Variants in ARHGEF11 observed in about 807,000 individuals in gnomAD.
The protein encoded by ARHGEF11 is Rho guanine exchange factor (GEF) 11.
Under a neutral mutation model 193.7 loss-of-function variants are expected in ARHGEF11, and 55 were observed. The ratio of observed to expected loss-of-function variants is 0.28; its 90% CI spans 0.23 to 0.36. The LOEUF (loss-of-function observed/expected upper bound fraction) is 0.36. ARHGEF11 is among the 10% of genes least tolerant of loss of function. ARHGEF11 has a pLI of 1.00. For missense variants in ARHGEF11, 1,723 were observed against 2,005.6 expected, an observed-to-expected ratio of 0.86 and a Z score of 2.69; for synonymous variants, 693 against 768.0, an observed-to-expected ratio of 0.90 and a Z score of 1.62.
intron 11 of ARHGEF11, among the ~76,000 whole-genome samples, chr1:156,966,498 C>A (rs186904319): frequency 1.6e-4 from 24 of 152,270 alleles, no homozygotes; most frequent in African/African-American, 5.5e-4. Flanking sequence ...ACTATGACTC[C>A]CCAAAAGATG....
intron 1 of ARHGEF11, among the ~76,000 whole-genome samples, chr1:156,998,013 G>A (rs1666762453): frequency 6.6e-6 from 1 of 151,944 alleles, no homozygotes; most frequent in African/African-American, 2.4e-5. Context: ...AACAGTCAGA[G>A]AAAACTAGAA....
chr1:156,936,493 A>ATATAT (rs1481502478), intron 40 of ARHGEF11, among the ~76,000 whole-genome samples: 150 of 62,336 alleles, frequency 2.4e-3, no homozygotes, highest in East Asian at 5.5e-3. Flanking sequence ...AAAAAAAAAA[A>ATATAT]AAAAATATAT....
intron 1 of ARHGEF11, among the ~76,000 whole-genome samples, chr1:156,998,301 T>C (rs1223734145): frequency 2.0e-5 from 3 of 152,136 alleles, no homozygotes; most frequent in African/African-American, 2.4e-5. Flanking sequence ...TCTATCAGCA[T>C]AGGTATTGGC....
intron 19 of ARHGEF11, 62 bp from the exon 20 acceptor site, chr1:156,955,861 T>A: frequency 7.8e-7 from 1 of 1,284,260 alleles, no homozygotes; most frequent in South Asian, 1.2e-5. Context: ...TGGCTGCTAA[T>A]CAATTCTGCC....
intron 1 of ARHGEF11, among the ~76,000 whole-genome samples, chr1:157,013,072 A>G (rs1222988544): frequency 3.3e-5 from 5 of 152,064 alleles, no homozygotes; most frequent in Non-Finnish European, 5.9e-5. Context: ...ACAGGCTAAT[A>G]TTCAGGTGGA....
At chr1:156,941,781 C>CG (rs1657016721) in intron 34 of ARHGEF11, 83 bp downstream of exon 34, 2 of 1,515,108 alleles carry the variant, frequency 1.3e-6, no homozygotes, top group African/African-American at 2.8e-5. Context: ...TGTCTACCCA[C>CG]GGGGGCGAAG....
In ARHGEF11 at chr1:156,967,863, A is replaced by C. The variant is rs1405405574; in HGVS notation, c.963+124T>G. On this transcript the variant is annotated intron_variant, in intron 11 of 40. Coordinates refer to ENST00000368194, the MANE Select transcript of ARHGEF11 (RefSeq NM_198236.3). ...TGCTCTCTATGTAAGTGACTGTCTC[A>C]AAGTTTGGGTTGCTGAAGCAGGGGT... 9.0e-6 allele frequency: 12 copies of C among 1,329,652 alleles called. No homozygotes were observed. The East Asian group carries it at 2.1e-4, about 23-fold the overall frequency. The allele number at this position is 1,329,652 out of a possible 1,614,324, so 82.4% of individuals were successfully genotyped here.
intron 6 of ARHGEF11, 131 bp downstream of exon 6, chr1:156,978,073 T>C (rs1663517807): frequency 1.5e-6 from 2 of 1,372,758 alleles, no homozygotes; most frequent in South Asian, 1.5e-5. Context: ...ACTCTTTCAA[T>C]GGTCTTTCAT....
intron 37 of ARHGEF11, chr1:156,939,109 G>A: frequency 4.4e-6 from 1 of 227,984 alleles, no homozygotes; most frequent in South Asian, 6.3e-5. Context: ...CACCTCTACT[G>A]CCCTTGGAGC....
At chr1:157,035,759 A>AATAT (rs146909035) in intron 1 of ARHGEF11, among the ~76,000 whole-genome samples, 17 of 123,970 alleles carry the variant, frequency 1.4e-4, no homozygotes, top group East Asian at 1.1e-3. Flanking sequence ...GCTATGTGGG[A>AATAT]ATATATATAT....
chr1:157,036,433 T>C (rs1672056824), intron 1 of ARHGEF11, among the ~76,000 whole-genome samples: 1 of 152,018 alleles, frequency 6.6e-6, no homozygotes, highest in Non-Finnish European at 1.5e-5. Context: ...GTGATTCTCC[T>C]GCTTCAGCCT....
intron 30 of ARHGEF11, 35 bp downstream of exon 30, chr1:156,944,984 G>A (rs759895772): frequency 1.9e-6 from 3 of 1,604,240 alleles, no homozygotes; most frequent in South Asian, 1.1e-5. Flanking sequence ...CCCACAAAGT[G>A]TGAGGGGTTG....
At chr1:156,936,512 A>ATATATCC (rs1277200111) in intron 40 of ARHGEF11, among the ~76,000 whole-genome samples, 1 of 133,582 alleles carries the variant, frequency 7.5e-6, no homozygotes, top group African/African-American at 2.9e-5. Context: ...ATATATATAT[A>ATATATCC]TATATATATA....
At position 156,948,262 on chromosome 1, in the gene ARHGEF11, T is replaced by C. The variant is rs778799837; in HGVS notation, c.2106-34A>G. 1.2e-5 allele frequency: 19 copies of C among 1,603,664 alleles called. No individual in the cohort carries two copies. Among genetic ancestry groups the C allele is most frequent in the Non-Finnish European group, 1.6e-5 (19 of 1,172,160 alleles). The stretch of plus-strand genomic sequence containing the variant: ...GGAATGTCAACTCTCAGCAACCCTC[T>C]ATCCTTGCCGCCACCCCTGAGATGT... On this transcript the variant is annotated intron_variant, in intron 23 of 40. Transcript: ENST00000368194. The surrounding 1 kb of genome is among the most constrained non-coding windows in gnomAD (Gnocchi z 4.2).
chr1:156,985,874 T>A (rs1255754217), intron 2 of ARHGEF11: 1 of 485,366 alleles, frequency 2.1e-6, no homozygotes, highest in East Asian at 3.7e-5. Context: ...TCAGTTCACC[T>A]CTCCTTCGGC....
chr1:157,022,136 G>C (rs1670055300), intron 1 of ARHGEF11, among the ~76,000 whole-genome samples: 1 of 152,182 alleles, frequency 6.6e-6, no homozygotes. Flanking sequence ...ATAAACTGAG[G>C]ATGGCCACTT....
chr1:156,946,601 A>G (rs1571185214), intron 28 of ARHGEF11, 61 bp downstream of exon 28: 27 of 1,609,064 alleles, frequency 1.7e-5, no homozygotes, highest in Non-Finnish European at 2.1e-5. Flanking sequence ...AGAGAAGTTC[A>G]GGAGATCCTT....
In ARHGEF11 at chr1:157,043,299, T is replaced by C. The variant is rs529853180; in HGVS notation, c.32+1000A>G. Among the ~76,000 whole-genome samples the C allele has an allele frequency of 4.6e-5, 7 of 152,312 alleles. No homozygotes were observed. In the South Asian group the frequency reaches 1.4e-3, roughly 32 times the overall value. On this transcript the variant is annotated intron_variant, in intron 1 of 40. Coordinates refer to ENST00000368194, the MANE Select transcript of ARHGEF11 (RefSeq NM_198236.3). ...TTGTTCAGTCCTTCAACCACCCATC[T>C]ATCCAGTTAGGATGTGTGCAGTGCC...
chr1:156,995,704 GTTT>G (rs386368407), intron 1 of ARHGEF11, among the ~76,000 whole-genome samples: 2 of 127,188 alleles, frequency 1.6e-5, no homozygotes, highest in African/African-American at 5.9e-5. Flanking sequence ...TGCCCAGCTT[GTTT>G]TTTTTTTTTT....
Sources: allele counts gnomAD v4.1 joint callset (sites outside exome capture counted in the v4.1 genomes callset), GRCh38; gene constraint gnomAD v4.1.1; non-coding constraint Gnocchi (gnomAD v3.1); transcripts MANE v1.5; gene names NCBI Gene and HGNC (gene_info 2026-07-23, HGNC 2026-07-21).